Variants in AHCYL2 observed in about 807,000 individuals in gnomAD.
The protein encoded by AHCYL2 is adenosylhomocysteinase like 2.
AHCYL2 carries 28 observed loss-of-function variants against 81.4 expected under a neutral mutation model. The ratio of observed to expected loss-of-function variants is 0.34; its 90% confidence interval spans 0.25 to 0.47. AHCYL2 has a LOEUF of 0.47. AHCYL2 is among the 20% of genes least tolerant of loss of function. The pLI, the probability that AHCYL2 is intolerant of heterozygous loss-of-function variation, is 1.00. For synonymous variants in AHCYL2, 272 were observed against 290.2 expected (o/e 0.94, Z 0.64); for missense variants, 551 against 785.1 (o/e 0.70, Z 3.56).
At chr7:129,349,650 T>TC (rs1187283916) in intron 1 of AHCYL2, among the ~76,000 whole-genome samples, 4 of 29,798 alleles carry the variant, frequency 1.3e-4, no homozygotes, top group Non-Finnish European at 3.3e-4. Context: ...AGACTCTGTT[T>TC]CAAAAAAAAA....
At chr7:129,266,863 G>T (rs1795827145) in intron 1 of AHCYL2, among the ~76,000 whole-genome samples, 1 of 152,104 alleles carries the variant, frequency 6.6e-6, no homozygotes, top group South Asian at 2.1e-4. Flanking sequence ...ATGATTAGAT[G>T]ATTTTGTATG....
intron 2 of AHCYL2, chr7:129,388,170 T>C (rs1049601630): frequency 6.6e-6 from 1 of 152,054 alleles, no homozygotes; most frequent in Non-Finnish European, 1.5e-5. Context: ...CCCAAAAAAC[T>C]TGGGGGTTAA....
intron 1 of AHCYL2, among the ~76,000 whole-genome samples, chr7:129,349,236 A>G (rs1793466179): frequency 6.6e-6 from 1 of 152,100 alleles, no homozygotes; most frequent in Non-Finnish European, 1.5e-5. Flanking sequence ...AATTAGAAAT[A>G]TTGTCATAAA....
chr7:129,402,675 A>C (rs564854066), intron 6 of AHCYL2, among the ~76,000 whole-genome samples: 2 of 152,330 alleles, frequency 1.3e-5, no homozygotes, highest in African/African-American at 4.8e-5. Flanking sequence ...GTTTATCTTT[A>C]ATCCCAACCT....
At chr7:129,260,363 A>C (rs1183441905) in intron 1 of AHCYL2, among the ~76,000 whole-genome samples, 1 of 152,200 alleles carries the variant, frequency 6.6e-6, no homozygotes, top group African/African-American at 2.4e-5. Flanking sequence ...AATAAATATA[A>C]AATGTATACA....
chr7:129,317,935 G>T (rs759091819), intron 1 of AHCYL2, among the ~76,000 whole-genome samples: 2 of 152,106 alleles, frequency 1.3e-5, no homozygotes, highest in Non-Finnish European at 2.9e-5. Flanking sequence ...AAATTTTCTG[G>T]GGTATTTTTC....
At chr7:129,225,522 C>T in intron 1 of AHCYL2, 83 bp downstream of exon 1, 1 of 1,406,098 alleles carries the variant, frequency 7.1e-7, no homozygotes, top group Non-Finnish European at 9.2e-7. Flanking sequence ...GCACCACCCT[C>T]CACGCCCTCC....
intron 1 of AHCYL2, among the ~76,000 whole-genome samples, chr7:129,341,286 T>C (rs1229285334): frequency 6.6e-6 from 1 of 152,116 alleles, no homozygotes; most frequent in Non-Finnish European, 1.5e-5. Context: ...CACAAATATA[T>C]GGAGAAACTA....
rs1403477759 is a variant in AHCYL2 at position 129,406,716 on chromosome 7, T to G, written c.1295+250T>G. On this transcript the variant is annotated intron_variant, in intron 10 of 16. Transcript: ENST00000325006. This position sits in a 1 kb window ranked among gnomAD's most constrained non-coding sequence, Gnocchi z 4.3. ...TGTCAGCCAGAGAACAGGTAGCCCC[T>G]TACCTTCTCCATGTATGATACTTGC... 6.6e-6 allele frequency among the ~76,000 whole-genome samples: 1 copy of G among 152,192 alleles called. No individual in the cohort carries two copies.
At chr7:129,261,721 T>C (rs1409227629) in intron 1 of AHCYL2, among the ~76,000 whole-genome samples, 1 of 152,226 alleles carries the variant, frequency 6.6e-6, no homozygotes, top group Non-Finnish European at 1.5e-5. Flanking sequence ...TTGAGAAAAT[T>C]AAAATTGCAC....
chr7:129,229,452 G>GTTT (rs1303117442), intron 1 of AHCYL2, among the ~76,000 whole-genome samples: 3 of 152,170 alleles, frequency 2.0e-5, no homozygotes, highest in African/African-American at 7.2e-5. Flanking sequence ...TATAGATGCA[G>GTTT]AAATGAGATC....
chr7:129,281,251 G>A (rs898244846), intron 1 of AHCYL2, among the ~76,000 whole-genome samples: 13 of 151,756 alleles, frequency 8.6e-5, no homozygotes, highest in African/African-American at 2.9e-4. Context: ...TATATTGCTG[G>A]GCTTGGTTTG....
At position 129,389,707 on chromosome 7, in the gene AHCYL2, T is replaced by G. The variant is rs1180235736; in HGVS notation, c.693T>G (p.Gly231=). 3.7e-6 allele frequency: 6 copies of G among 1,613,678 alleles called. No homozygotes were observed. Among genetic ancestry groups the G allele is most frequent in the African/African-American group, 1.3e-5 (1 of 74,890 alleles). Reference sequence around the variant, plus strand: ...CTTTGGCTGGAGCCAAAATCGTGGGTTGCACACACATCACTGCTCAGACTG... The same window carrying G: ...CTTTGGCTGGAGCCAAAATCGTGGGGTGCACACACATCACTGCTCAGACTG... ...EKPLAGAKIV[G]CTHITAQTAV... is the part of the protein sequence containing the mutation. The change falls in exon 4 of 17, where the codon GGT becomes GGG. Residue 231 remains glycine (G), a synonymous_variant. Coordinates refer to ENST00000325006, the MANE Select transcript of AHCYL2 (RefSeq NM_015328.4).
rs1797367145 is a variant in AHCYL2, at chr7:129,426,380, G to A, written c.1709-63G>A. 1 of 1,613,290 alleles carries A rather than the reference G, an allele frequency of 6.2e-7. No homozygotes were observed. The highest frequency in any genetic ancestry group is 1.7e-5 in the Admixed American group (1 of 59,994). ...TTGAACTTTTTAAGGCCTAGCTTGG[G>A]GACAATAGCCATCAGATAAAAGGCA... On this transcript the variant is annotated intron_variant, in intron 15 of 16. Transcript: ENST00000325006. The surrounding 1 kb of genome is among the most constrained non-coding windows in gnomAD (Gnocchi z 4.3).
intron 1 of AHCYL2, among the ~76,000 whole-genome samples, chr7:129,306,567 T>A (rs1170871221): frequency 7.4e-6 from 1 of 135,234 alleles, no homozygotes; most frequent in Non-Finnish European, 1.5e-5. Context: ...GTCACATATC[T>A]CTGTTTCTCT....
chr7:129,280,866 TC>T (rs1290091504), intron 1 of AHCYL2, among the ~76,000 whole-genome samples: 2 of 151,294 alleles, frequency 1.3e-5, no homozygotes, highest in African/African-American at 4.9e-5. Flanking sequence ...TTACATTGAT[TC>T]TTTTTTTTTT....
At chr7:129,276,432 T>TAA (rs35351067) in intron 1 of AHCYL2, among the ~76,000 whole-genome samples, 34,776 of 148,134 alleles carry the variant, frequency 0.23, 4,947 homozygotes, top group Non-Finnish European at 0.32. Context: ...AAGGGAAGAA[T>TAA]AAAAAAAAAA....
chr7:129,250,595 T>A (rs1795216397), intron 1 of AHCYL2, among the ~76,000 whole-genome samples: 1 of 152,200 alleles, frequency 6.6e-6, no homozygotes, highest in African/African-American at 2.4e-5. Flanking sequence ...ACAGTGGACA[T>A]GTTTGCCTTG....
Position 129,225,147 on chromosome 7 carries a change from C to A in AHCYL2, c.71C>A (p.Pro24His). ...GAGGTGGAGCTGAAGGACCTGAGCC[C>A]CTCCGAGGCGGAGTCGCAACTAGGA... ...VPEVELKDLS[P>H]SEAESQLGLS... is the part of the protein sequence containing the mutation. The change falls in exon 1 of 17, where the codon CCC becomes CAC. Residue 24 changes from proline (P) to histidine (H), a missense_variant. By Grantham distance (77) the Pro-to-His change is moderately conservative. Around this residue, in one of 2 missense-constraint regions of AHCYL2, gnomAD observed 235 missense variants for 242.1 expected, o/e 0.97. Transcript: ENST00000325006. 6.2e-7 allele frequency: 1 copy of A among 1,601,498 alleles called. No homozygotes were observed. Among genetic ancestry groups the A allele is most frequent in the Admixed American group, 1.7e-5 (1 of 58,870 alleles).
Sources: allele counts gnomAD v4.1 joint callset (sites outside exome capture counted in the v4.1 genomes callset), GRCh38; gene constraint gnomAD v4.1.1; regional missense constraint gnomAD v4.1.1; non-coding constraint Gnocchi (gnomAD v3.1); transcripts MANE v1.5; gene names NCBI Gene and HGNC (gene_info 2026-07-23, HGNC 2026-07-21).